Variants in TSPAN15 observed in about 807,000 individuals in gnomAD.
The protein encoded by TSPAN15 is tetraspanin 15.
TSPAN15 carries 20 observed loss-of-function variants against 34.5 expected under a neutral mutation model. The ratio of observed to expected loss-of-function variants is 0.58; its 90% CI spans 0.41 to 0.84. TSPAN15 has a LOEUF of 0.84. TSPAN15 is among the 40% of genes least tolerant of loss of function. The pLI, the probability that TSPAN15 is intolerant of heterozygous loss-of-function variation, is 0.00. For synonymous variants in TSPAN15, 155 were observed against 153.9 expected (o/e 1.01, Z -0.05); for missense variants, 313 against 386.1 (o/e 0.81, Z 1.59).
intron 3 of TSPAN15, among the ~76,000 whole-genome samples, chr10:69,485,748 T>C (rs1320172154): frequency 1.4e-5 from 2 of 145,118 alleles, no homozygotes; most frequent in Non-Finnish European, 3.0e-5. Context: ...GAGTTGAGGG[T>C]GTACACAGGG....
the TSPAN15 span, among the ~76,000 whole-genome samples, chr10:69,535,036 C>G: frequency 0.11 from 17,372 of 151,946 alleles, 1,257 homozygotes; most frequent in South Asian, 0.16. Context: ...TGGAAAACCC[C>G]GTATGAACTG....
chr10:69,490,231 T>C (rs1003486462), intron 3 of TSPAN15, among the ~76,000 whole-genome samples: 1 of 152,184 alleles, frequency 6.6e-6, no homozygotes, highest in Non-Finnish European at 1.5e-5. Flanking sequence ...GGCAGCACCA[T>C]GGCTCTCTCG....
At chr10:69,484,537 G>A (rs1221897665) in intron 2 of TSPAN15, among the ~76,000 whole-genome samples, 1 of 152,200 alleles carries the variant, frequency 6.6e-6, no homozygotes, top group Non-Finnish European at 1.5e-5. Context: ...GCACTTGTGT[G>A]TCTCTTGACC....
chr10:69,474,994 T>C (rs964078887), intron 1 of TSPAN15, among the ~76,000 whole-genome samples: 5 of 151,826 alleles, frequency 3.3e-5, no homozygotes, highest in Non-Finnish European at 7.4e-5. Flanking sequence ...GGGAAGAAAA[T>C]CACCAGACAC....
chr10:69,489,261 G>A (rs1279194446), intron 3 of TSPAN15, among the ~76,000 whole-genome samples: 5 of 152,192 alleles, frequency 3.3e-5, no homozygotes, highest in African/African-American at 9.7e-5. Context: ...CAGGCAGTCA[G>A]ACCTTATGGT....
intron 1 of TSPAN15, among the ~76,000 whole-genome samples, chr10:69,470,573 C>A (rs889184787): frequency 2.0e-5 from 3 of 152,142 alleles, no homozygotes; most frequent in African/African-American, 7.2e-5. Context: ...CCTGCATCTC[C>A]CAGTCTCTTG....
chr10:69,536,564 C>CT, the TSPAN15 span, among the ~76,000 whole-genome samples: 2 of 152,172 alleles, frequency 1.3e-5, no homozygotes, highest in South Asian at 4.1e-4. Flanking sequence ...GACTGGAAGT[C>CT]TAAGATCAAG....
the TSPAN15 span, among the ~76,000 whole-genome samples, chr10:69,518,026 C>T: frequency 6.6e-6 from 1 of 152,198 alleles, no homozygotes. Flanking sequence ...CAGAGTACAC[C>T]CTTCCTCAGT....
the TSPAN15 span, among the ~76,000 whole-genome samples, chr10:69,537,500 C>T: frequency 1.3e-5 from 2 of 152,092 alleles, no homozygotes; most frequent in African/African-American, 2.4e-5. Context: ...TCGTCAGGGC[C>T]AGGCTCCCTT....
At chr10:69,523,412 T>A in the TSPAN15 span, 1 of 577,266 alleles carries the variant, frequency 1.7e-6, no homozygotes, top group East Asian at 6.2e-5. Context: ...TAAAAGCTGG[T>A]GAAGAATAAG....
At chr10:69,519,993 A>G in the TSPAN15 span, among the ~76,000 whole-genome samples, 1 of 152,184 alleles carries the variant, frequency 6.6e-6, no homozygotes, top group Non-Finnish European at 1.5e-5. Flanking sequence ...TGGCCTCCCA[A>G]AGTGCTGGGA....
chr10:69,508,440 C>CAAAA (rs71009229), downstream of TSPAN15, among the ~76,000 whole-genome samples: 106 of 62,178 alleles, frequency 1.7e-3, 3 homozygotes, highest in African/African-American at 4.7e-3. Context: ...GACTCCATCT[C>CAAAA]AAAAAAAAAA....
chr10:69,478,691 C>T (rs927932832), intron 1 of TSPAN15, among the ~76,000 whole-genome samples: 10 of 152,060 alleles, frequency 6.6e-5, no homozygotes, highest in Admixed American at 6.5e-4. Flanking sequence ...ATGCATAAAA[C>T]GAAATACACA....
the TSPAN15 span, among the ~76,000 whole-genome samples, chr10:69,539,732 C>T: frequency 1.3e-5 from 2 of 152,092 alleles, no homozygotes; most frequent in East Asian, 3.9e-4. Context: ...TATTATGTTG[C>T]TCCCAGGGGA....
the TSPAN15 span, among the ~76,000 whole-genome samples, chr10:69,536,309 A>G: frequency 6.6e-6 from 1 of 152,166 alleles, no homozygotes; most frequent in Non-Finnish European, 1.5e-5. Context: ...ATTGTCATGT[A>G]AGAGTCACAC....
chr10:69,506,999 CT>C lies in TSPAN15; in HGVS notation c.*22del. 6.2e-7 allele frequency: 1 copy of C among 1,604,586 alleles called. No individual in the cohort carries two copies. The highest frequency in any genetic ancestry group is 1.1e-5 in the South Asian group (1 of 88,616). On this transcript the variant is annotated 3_prime_UTR_variant, in exon 8 of 8. Transcript: ENST00000373290. The surrounding 1 kb of genome is among the most constrained non-coding windows in gnomAD (Gnocchi z 4.7). ...ATTAGGGCCCAGCCTGCCATGGCAG[CT>C]CCAACAAGGACCGTCTGGGATAGCA...
chr10:69,530,359 A>G, the TSPAN15 span, among the ~76,000 whole-genome samples: 2 of 148,036 alleles, frequency 1.4e-5, 1 homozygote, highest in Middle Eastern at 6.4e-3. Context: ...AAACTTTGTT[A>G]TTCTAATTAT....
chr10:69,454,786 C>T (rs1841047945), intron 1 of TSPAN15, among the ~76,000 whole-genome samples: 1 of 152,088 alleles, frequency 6.6e-6, no homozygotes, highest in Non-Finnish European at 1.5e-5. Flanking sequence ...CACTGCACTC[C>T]AGCCTGCATG....
chr10:69,523,177 C>T, the TSPAN15 span: 1 of 210,912 alleles, frequency 4.7e-6, no homozygotes, highest in Non-Finnish European at 9.2e-6. Flanking sequence ...AAAGACTGTC[C>T]TTTTTCCTTT....
Sources: allele counts gnomAD v4.1 joint callset (sites outside exome capture counted in the v4.1 genomes callset), GRCh38; gene constraint gnomAD v4.1.1; non-coding constraint Gnocchi (gnomAD v3.1); transcripts MANE v1.5; gene names NCBI Gene and HGNC (gene_info 2026-07-23, HGNC 2026-07-21).